ZNF90: variants seen among roughly 807,000 people sequenced by gnomAD.
ZNF90 encodes zinc finger protein HTF9.
In ZNF90, 11 loss-of-function variants were observed where a neutral mutation model predicts 12.0. The observed-to-expected ratio is 0.92, with a 90% confidence interval of 0.58 to 1.52. The LOEUF is 1.52. Among genes scored for constraint, ZNF90 ranks in the 40% most tolerant of loss-of-function variants. ZNF90 has a pLI of 0.00. For missense variants in ZNF90, 765 were observed against 711.5 expected (o/e 1.08, Z -0.86); for synonymous variants, 232 against 240.1 (o/e 0.97, Z 0.31).
Position 20,101,453 on chromosome 19 carries a change from A to C in ZNF90, c.4-2786A>C, listed in dbSNP as rs970843621. 9.2e-5 allele frequency among the ~76,000 whole-genome samples: 14 copies of C among 152,204 alleles called. 1 individual carries two copies. Among genetic ancestry groups the C allele is most frequent in the Admixed American group, 7.2e-4 (11 of 15,278 alleles). ...CACCATCTTGGGAGCTCTAAGAACA[A>C]AGACCCACCCCTTAACTAAATTGCT... On this transcript the variant is annotated intron_variant, in intron 1 of 3. Coordinates refer to ENST00000418063, the MANE Select transcript of ZNF90 (RefSeq NM_007138.2).
At chr19:20,081,005 G>T (rs1410383199) in intron 1 of ZNF90, among the ~76,000 whole-genome samples, 1 of 152,150 alleles carries the variant, frequency 6.6e-6, no homozygotes, top group Non-Finnish European at 1.5e-5. Flanking sequence ...TGTGATTCCA[G>T]ATCTTCTCCC....
chr19:20,114,808 C>G (rs2089122351), intron 3 of ZNF90, among the ~76,000 whole-genome samples: 1 of 151,600 alleles, frequency 6.6e-6, no homozygotes, highest in Non-Finnish European at 1.5e-5. Context: ...TTACTGCCTT[C>G]TAGTCCCCTG....
At position 20,110,446 on chromosome 19, in the gene ZNF90, T is replaced by C. The variant is rs1383317678; in HGVS notation, c.226+5130T>C. Among the ~76,000 whole-genome samples the C allele has an allele frequency of 2.6e-5, 4 of 151,794 alleles. No individual in the cohort carries two copies. In the East Asian group the frequency reaches 7.7e-4, roughly 29 times the overall value. Reference sequence around the variant, plus strand: ...GGCACCCACTACCATGCCTAGCTGATTTTTTGTATTTTTGGTAGAGACGGG... The same window carrying C: ...GGCACCCACTACCATGCCTAGCTGACTTTTTGTATTTTTGGTAGAGACGGG... On this transcript the variant is annotated intron_variant, in intron 3 of 3. Transcript: ENST00000418063.
At chr19:20,082,571 C>T in intron 1 of ZNF90, among the ~76,000 whole-genome samples, 1 of 152,174 alleles carries the variant, frequency 6.6e-6, no homozygotes, top group East Asian at 1.9e-4. Context: ...TTGAAGGCAG[C>T]ATGCTTGTTA....
intron 1 of ZNF90, among the ~76,000 whole-genome samples, chr19:20,102,204 C>A (rs2088995069): frequency 6.6e-6 from 1 of 152,154 alleles, no homozygotes; most frequent in South Asian, 2.1e-4. Flanking sequence ...TTTTAAAGTT[C>A]AACTTCCTCG....
intron 3 of ZNF90, chr19:20,107,016 A>C (rs1599650275): frequency 2.2e-6 from 1 of 454,404 alleles, no homozygotes; most frequent in South Asian, 1.6e-5. Flanking sequence ...TCGGGTCTGC[A>C]TATGGTGGGC....
chr19:20,115,587 T>TC (rs1294847944), intron 3 of ZNF90, among the ~76,000 whole-genome samples: 3 of 151,984 alleles, frequency 2.0e-5, no homozygotes, highest in Non-Finnish European at 4.4e-5. Flanking sequence ...CAAAAATTCT[T>TC]CATCATTACA....
chr19:20,115,411 CT>C (rs2122525655), intron 3 of ZNF90, among the ~76,000 whole-genome samples: 1 of 131,070 alleles, frequency 7.6e-6, no homozygotes, highest in South Asian at 2.3e-4. Context: ...TCTCATTTTC[CT>C]TTCTGTTTTT....
In ZNF90 at chr19:20,120,191, C is replaced by T. The variant is rs782495788; in HGVS notation, c.*831C>T. On this transcript the variant is annotated 3_prime_UTR_variant, in exon 4 of 4. Transcript: ENST00000418063. ...AAGCTAGTATCCTTGAGAAAAATTGCACAATTATAAAAAATATGGAAAACC... is the reference window on the plus strand; with the variant it reads ...AAGCTAGTATCCTTGAGAAAAATTGTACAATTATAAAAAATATGGAAAACC... 1.3e-5 allele frequency among the ~76,000 whole-genome samples: 2 copies of T among 152,142 alleles called. No homozygotes were observed. Among genetic ancestry groups the T allele is most frequent in the Non-Finnish European group, 2.9e-5 (2 of 68,036 alleles).
chr19:20,078,939 G>T (rs2088799352), intron 1 of ZNF90, among the ~76,000 whole-genome samples: 1 of 151,930 alleles, frequency 6.6e-6, no homozygotes, highest in Non-Finnish European at 1.5e-5. Context: ...ATCCAACGTG[G>T]TGAAACCTCT....
intron 1 of ZNF90, chr19:20,079,952 T>TTTTA: frequency 5.3e-6 from 2 of 374,298 alleles, no homozygotes; most frequent in Admixed American, 3.6e-5. Flanking sequence ...TTTTTTTTTT[T>TTTTA]GAGATGAAGT....
At chr19:20,103,721 T>G (rs2089007877) in intron 1 of ZNF90, among the ~76,000 whole-genome samples, 1 of 152,204 alleles carries the variant, frequency 6.6e-6, no homozygotes, top group African/African-American at 2.4e-5. Context: ...TTCCACTTGG[T>G]GGATGTTTGA....
intron 3 of ZNF90, among the ~76,000 whole-genome samples, chr19:20,107,824 T>C (rs2089052895): frequency 6.6e-6 from 1 of 152,208 alleles, no homozygotes; most frequent in East Asian, 1.9e-4. Flanking sequence ...GTGAATTACA[T>C]AATTATTGGG....
intron 3 of ZNF90, among the ~76,000 whole-genome samples, chr19:20,115,704 TTA>T (rs1333968891): frequency 5.3e-5 from 8 of 152,128 alleles, no homozygotes; most frequent in African/African-American, 1.4e-4. Flanking sequence ...TTCAGCTTTT[TTA>T]TGTTTACATC....
chr19:20,115,125 G>A (rs1450650187), intron 3 of ZNF90, among the ~76,000 whole-genome samples: 1 of 151,948 alleles, frequency 6.6e-6, no homozygotes, highest in African/African-American at 2.4e-5. Context: ...ATACTATTGT[G>A]ACCTCTTCTG....
intron 2 of ZNF90, among the ~76,000 whole-genome samples, chr19:20,104,706 A>G (rs1194848355): frequency 6.6e-6 from 1 of 152,190 alleles, no homozygotes; most frequent in Non-Finnish European, 1.5e-5. Context: ...AAAAACCTAC[A>G]AATTAGGACA....
Position 20,118,228 on chromosome 19 carries a change from G to A in ZNF90, c.674G>A (p.Gly225Glu). ...ACTTCACATAAGAGAATTCATACTGGAGAGAAACGGTACAAATGTGAAGAT... is the reference window on the plus strand; with the variant it reads ...ACTTCACATAAGAGAATTCATACTGAAGAGAAACGGTACAAATGTGAAGAT... ...HLTSHKRIHT[G>E]EKRYKCEDCG... The change falls in exon 4 of 4, where the codon GGA becomes GAA. Residue 225 changes from glycine to glutamate, a missense_variant. Gly to Glu is a moderately conservative substitution (Grantham distance 98). Transcript: ENST00000418063. 6.3e-7 allele frequency: 1 copy of A among 1,597,950 alleles called. No individual in the cohort carries two copies. Among genetic ancestry groups the A allele is most frequent in the East Asian group, 2.3e-5 (1 of 44,144 alleles).
At chr19:20,090,315 A>G (rs1320130251) in intron 1 of ZNF90, among the ~76,000 whole-genome samples, 1 of 152,130 alleles carries the variant, frequency 6.6e-6, no homozygotes, top group East Asian at 1.9e-4. Flanking sequence ...GACCTAATAG[A>G]ATGAAGGGAT....
intron 1 of ZNF90, among the ~76,000 whole-genome samples, chr19:20,087,897 C>T (rs1599641060): frequency 6.6e-6 from 1 of 152,048 alleles, no homozygotes; most frequent in East Asian, 1.9e-4. Flanking sequence ...TCGCAAGGTG[C>T]TCAGTGGGGG....
Sources: gnomAD v4.1 joint callset for allele counts (sites outside exome capture counted in the v4.1 genomes callset) on GRCh38, gnomAD v4.1.1 for gene constraint, MANE v1.5 for transcripts, NCBI Gene and HGNC (gene_info 2026-07-23, HGNC 2026-07-21) for gene names.